The following MRPL32 variants were observed in gnomAD, a reference collection of about 807,000 sequenced individuals.
MRPL32 encodes mitochondrial ribosomal protein L32, also known as large ribosomal subunit protein bL32m.
In MRPL32, 14 loss-of-function variants were observed where a neutral mutation model predicts 21.7. That is an observed-to-expected ratio of 0.64 (90% CI 0.43 to 1.01). The LOEUF (loss-of-function observed/expected upper bound fraction) is 1.01. Ranked by LOEUF, MRPL32 falls within the 50% of genes least tolerant of loss-of-function variation. The pLI, the probability that MRPL32 is intolerant of heterozygous loss-of-function variation, is 0.00. For synonymous variants in MRPL32, 83 were observed against 87.7 expected (o/e 0.95, Z 0.30); for missense variants, 211 against 235.9 (o/e 0.89, Z 0.69).
rs1203101569 is a variant in MRPL32, at chr7:42,935,246, A to G, written c.312+110A>G. On this transcript the variant is annotated intron_variant, in intron 2 of 2. Coordinates refer to ENST00000223324, the MANE Select transcript of MRPL32 (RefSeq NM_031903.3). ...AATTATTATCAGATTATATGTGTCT[A>G]CTTTCCTCTGGCCTAAATGAAATAC... 1.2e-5 allele frequency: 11 copies of G among 905,460 alleles called. No individual in the cohort carries two copies. The East Asian group carries it at 2.4e-4, about 20-fold the overall frequency. The allele number at this position is 905,460 out of a possible 1,614,324, so 56.1% of individuals were successfully genotyped here. A position where few individuals can be genotyped will look rare whatever the true frequency, so the allele number is the denominator to read the frequency against.
In MRPL32 at chr7:42,937,347, G is replaced by A. The variant is rs1299664291; in HGVS notation, c.338G>A (p.Cys113Tyr). ...AACAACATAGACGTTTGTCCTGAAT[G>A]TGGTCACCTGAAACAGAAACATGTC... ...VKNNIDVCPECGHLKQKHVLC... is the reference protein window; with the variant it reads ...VKNNIDVCPEYGHLKQKHVLC... Residue 113 changes from cysteine to tyrosine, a missense_variant, in exon 3 of 3, where the codon TGT (cysteine) becomes TAT (tyrosine). Physicochemically the swap from Cys to Tyr is radical, Grantham distance 194. Around this residue, in one of 2 missense-constraint regions of MRPL32, gnomAD observed 130 missense variants for 180.1 expected, o/e 0.72. Transcript: ENST00000223324. 2 of 1,614,060 alleles carry A rather than the reference G, an allele frequency of 1.2e-6. No homozygotes were observed. The highest frequency in any genetic ancestry group is 1.7e-6 in the Non-Finnish European group (2 of 1,180,034).
intron 1 of MRPL32, among the ~76,000 whole-genome samples, chr7:42,934,540 G>A (rs535503919): frequency 2.4e-4 from 37 of 152,230 alleles, no homozygotes; most frequent in East Asian, 1.4e-3. Context: ...CATCAGTGCC[G>A]GTCAGAAGTG....
At position 42,932,411 on chromosome 7, in the gene MRPL32, G is replaced by T; in HGVS notation, c.25G>T (p.Val9Leu). Residue 9 changes from valine (V) to leucine (L), a missense_variant, in exon 1 of 3, where the codon GTG (valine) becomes TTG (leucine). Val to Leu is a conservative substitution (Grantham distance 32). Coordinates refer to ENST00000223324, the MANE Select transcript of MRPL32 (RefSeq NM_031903.3). Reference sequence around the variant, plus strand: ...AATGGCGCTGGCCATGCTGGTCTTGGTGGTTTCGCCGTGGTCTGCGGCCCG... The same window carrying T: ...AATGGCGCTGGCCATGCTGGTCTTGTTGGTTTCGCCGTGGTCTGCGGCCCG... MALAMLVL[V>L]VSPWSAARGV... 1 of 1,611,878 alleles carries T rather than the reference G, an allele frequency of 6.2e-7. No homozygotes were observed. Among genetic ancestry groups the T allele is most frequent in the African/African-American group, 1.3e-5 (1 of 75,010 alleles).
Position 42,937,819 on chromosome 7 carries a change from C to A in MRPL32, c.*243C>A. 1 of 335,786 alleles carries A rather than the reference C, an allele frequency of 3.0e-6. No homozygotes were observed. The highest frequency in any genetic ancestry group is 1.3e-4 in the South Asian group (1 of 7,968). 20.8% of individuals were successfully genotyped at this position (335,786 alleles called of 1,614,324 possible). On this transcript the variant is annotated 3_prime_UTR_variant, in exon 3 of 3. Transcript: ENST00000223324. ...AAGGTTTTAAGTAAACATAAAATTT[C>A]CAGAACAAAAATAAAAAATTTAAAA...
chr7:42,936,897 C>CA, intron 2 of MRPL32: 1 of 286,542 alleles, frequency 3.5e-6, no homozygotes, highest in Non-Finnish European at 6.9e-6. Flanking sequence ...ATGTTCTTAT[C>CA]TTGTTTTCCC....
At chr7:42,936,761 T>A (rs1009352812) in intron 2 of MRPL32, 1 of 164,966 alleles carries the variant, frequency 6.1e-6, no homozygotes, top group African/African-American at 2.4e-5. Flanking sequence ...AAAATAATTT[T>A]ACATTAAGGA....
chr7:42,936,997 A>G, intron 2 of MRPL32: 1 of 383,252 alleles, frequency 2.6e-6, no homozygotes, highest in Non-Finnish European at 5.0e-6. Flanking sequence ...TATGTTGACA[A>G]ATTCCTTATT....
At chr7:42,934,011 G>A (rs2128675922) in intron 1 of MRPL32, among the ~76,000 whole-genome samples, 1 of 152,298 alleles carries the variant, frequency 6.6e-6, no homozygotes, top group African/African-American at 2.4e-5. Context: ...GCTCACACCT[G>A]TAATCTCAGC....
At position 42,932,487 on chromosome 7, in the gene MRPL32, G is replaced by A. The variant is rs141267823; in HGVS notation, c.101G>A (p.Ser34Asn). 267 of 1,610,006 alleles carry A rather than the reference G, an allele frequency of 1.7e-4. 1 individual carries two copies. In the African/African-American group the frequency reaches 3.0e-3, roughly 18 times the overall value. Residue 34 changes from serine (S) to asparagine (N), a missense_variant, in exon 1 of 3, where the codon AGC (serine) becomes AAC (asparagine). Ser to Asn is a conservative substitution (Grantham distance 46). This residue lies in a region of MRPL32 where 81 missense variants were observed against 55.8 expected (regional missense o/e 1.45). Transcript: ENST00000223324. ...WERLLRKLPQSRPGFPSPPWG... is the reference protein window; with the variant it reads ...WERLLRKLPQNRPGFPSPPWG... The stretch of plus-strand genomic sequence containing the variant: ...CGACTGCTACGGAAGCTTCCGCAGA[G>A]CCGGCCGGGCTTTCCCAGTCCTCCG...
chr7:42,934,605 G>A (rs557290713), intron 1 of MRPL32, among the ~76,000 whole-genome samples: 4 of 152,242 alleles, frequency 2.6e-5, no homozygotes, highest in South Asian at 2.1e-4. Context: ...CTTACTACCC[G>A]CCAAGTATTA....
chr7:42,936,022 G>C (rs569206768), intron 2 of MRPL32: 1 of 152,172 alleles, frequency 6.6e-6, no homozygotes, highest in Non-Finnish European at 1.5e-5. Context: ...GATGAAACTC[G>C]AGAACAGAAA....
At chr7:42,934,123 C>G (rs3757561) in intron 1 of MRPL32, among the ~76,000 whole-genome samples, 128,583 of 152,018 alleles carry the variant, frequency 0.85, 54,574 homozygotes, top group South Asian at 0.91. Context: ...ACAAAATTAA[C>G]CAGGCGTGGT....
Position 42,935,115 on chromosome 7 carries a change from G to T in MRPL32, c.291G>T (p.Pro97=), listed in dbSNP as rs146026971. ...IEVNRCRRRN[P]QKLIKVKNNI... ...TTAACCGGTGTAGGAGAAGAAATCC[G>T]CAGAAGCTTATTAAAGTTAAGGTAA... The change falls in exon 2 of 3, where the codon CCG becomes CCT. Residue 97 remains proline, a synonymous_variant. Coordinates refer to ENST00000223324, the MANE Select transcript of MRPL32 (RefSeq NM_031903.3). The T allele has an allele frequency of 3.7e-6, 6 of 1,609,804 alleles. No homozygotes were observed. Among genetic ancestry groups the T allele is most frequent in the African/African-American group, 1.3e-5 (1 of 74,578 alleles).
In MRPL32 at chr7:42,935,035, C is replaced by G; in HGVS notation, c.211C>G (p.Leu71Val). The change falls in exon 2 of 3, where the codon CTT becomes GTT. Residue 71 changes from leucine (L) to valine (V), a missense_variant. Leu to Val is a conservative substitution (Grantham distance 32, BLOSUM62 1). Transcript: ENST00000223324. ...CAGTGGAAGTAAAGAGAATTCCAGC[C>G]TTTTGGACAGTATCTTTTGGATGGC... ...DTSGSKENSS[L>V]LDSIFWMAAP... is the part of the protein sequence containing the mutation. The G allele has an allele frequency of 6.2e-7, 1 of 1,614,042 alleles. No individual in the cohort carries two copies. The highest frequency in any genetic ancestry group is 1.7e-5 in the Admixed American group (1 of 59,988).
In MRPL32 at chr7:42,934,080, C is replaced by T. The variant is rs112624453; in HGVS notation, c.131-875C>T. Among the ~76,000 whole-genome samples, 1,179 of 152,124 alleles carry T rather than the reference C, an allele frequency of 7.8e-3. 14 individuals are homozygous for T. The highest frequency in any genetic ancestry group is 0.027 in the African/African-American group (1,121 of 41,492). The stretch of plus-strand genomic sequence containing the variant: ...GGTCAGGAGTTCAAGACCAGCCTGG[C>T]CAACATTGTGAAACCCTGTCTCTAC... On this transcript the variant is annotated intron_variant, in intron 1 of 2. Coordinates refer to ENST00000223324, the MANE Select transcript of MRPL32 (RefSeq NM_031903.3).
chr7:42,935,380 G>A (rs1786407992), intron 2 of MRPL32: 6 of 337,196 alleles, frequency 1.8e-5, no homozygotes, highest in Non-Finnish European at 3.2e-5. Context: ...GGCAAGGAAC[G>A]AGGCTGTGAG....
intron 1 of MRPL32, among the ~76,000 whole-genome samples, chr7:42,934,707 TGGA>T (rs1201654382): frequency 6.6e-6 from 1 of 152,232 alleles, no homozygotes; most frequent in Non-Finnish European, 1.5e-5. Flanking sequence ...AGAAACTTGA[TGGA>T]ATTTCACTGA....
intron 2 of MRPL32, chr7:42,937,069 C>T (rs1756779227): frequency 7.0e-6 from 5 of 717,778 alleles, no homozygotes; most frequent in African/African-American, 5.3e-5. Context: ...TACATAACTA[C>T]AACTGCTGTG....
chr7:42,936,626 G>A (rs1786428366), intron 2 of MRPL32: 1 of 150,220 alleles, frequency 6.7e-6, no homozygotes, highest in Non-Finnish European at 1.5e-5. Flanking sequence ...AAATCTTTTA[G>A]AGGTTATAAT....
Sources: allele counts gnomAD v4.1 joint callset (sites outside exome capture counted in the v4.1 genomes callset), GRCh38; gene constraint gnomAD v4.1.1; regional missense constraint gnomAD v4.1.1; transcripts MANE v1.5; gene names NCBI Gene and HGNC (gene_info 2026-07-23, HGNC 2026-07-21).